Variants in RGS6 observed in about 807,000 individuals in gnomAD.
The protein encoded by RGS6 is regulator of G protein signaling 6, also known as regulator of G-protein signaling 6.
A neutral mutation model predicts 78.5 loss-of-function variants in RGS6; 30 were observed. That is an observed-to-expected ratio of 0.38 (90% CI 0.29 to 0.52). The LOEUF (loss-of-function observed/expected upper bound fraction) is 0.52. Ranked by LOEUF, RGS6 falls within the 20% of genes least tolerant of loss-of-function variation. The pLI is 0.85. For synonymous variants in RGS6, 206 were observed against 206.0 expected (o/e 1.00, Z 0.00); for missense variants, 495 against 609.7 (o/e 0.81, Z 1.98).
intron 2 of RGS6, among the ~76,000 whole-genome samples, chr14:72,135,294 G>A (rs1025595064): frequency 1.3e-5 from 2 of 152,114 alleles, no homozygotes; most frequent in African/African-American, 4.8e-5. Flanking sequence ...TTGGTGTCTT[G>A]AGGAACTCCC....
the RGS6 span, among the ~76,000 whole-genome samples, chr14:71,884,557 A>G: frequency 1.3e-5 from 2 of 152,138 alleles, no homozygotes; most frequent in East Asian, 1.9e-4. Flanking sequence ...GGAGAATAGC[A>G]TGAGTAAGAG....
At chr14:72,153,829 A>T (rs2153643170) in intron 2 of RGS6, among the ~76,000 whole-genome samples, 1 of 152,300 alleles carries the variant, frequency 6.6e-6, no homozygotes, top group South Asian at 2.1e-4. Context: ...AGAACTCCTG[A>T]TAAGGGTCTA....
chr14:72,402,944 G>A lies in RGS6; in HGVS notation c.184+50750G>A, dbSNP rs369569289. ...CCCCAGTAGCTGGGATTACAGGTGT[G>A]TGCCACCACACCCAGCTAATCTTTT... On this transcript the variant is annotated intron_variant, in intron 3 of 17. Transcript: ENST00000553525. Among the ~76,000 whole-genome samples, 4 of 151,780 alleles carry A rather than the reference G, an allele frequency of 2.6e-5. No homozygotes were observed. In the East Asian group the frequency reaches 5.8e-4, roughly 22 times the overall value.
the RGS6 span, among the ~76,000 whole-genome samples, chr14:71,897,425 G>A: frequency 6.6e-6 from 1 of 152,170 alleles, no homozygotes; most frequent in South Asian, 2.1e-4. Flanking sequence ...GCTGTGGAGG[G>A]CTAGGAACAT....
chr14:72,377,654 C>A (rs917046242), intron 3 of RGS6, among the ~76,000 whole-genome samples: 1 of 152,024 alleles, frequency 6.6e-6, no homozygotes, highest in Admixed American at 6.6e-5. Flanking sequence ...TATTAGGACA[C>A]AAAACAAATC....
intron 3 of RGS6, among the ~76,000 whole-genome samples, chr14:72,426,522 A>G (rs1475543413): frequency 6.6e-6 from 1 of 152,198 alleles, no homozygotes. Context: ...TATTATTCCC[A>G]TTTTGTAGAT....
intron 2 of RGS6, among the ~76,000 whole-genome samples, chr14:72,334,977 T>C (rs1187080375): frequency 6.6e-6 from 1 of 152,124 alleles, no homozygotes; most frequent in Non-Finnish European, 1.5e-5. Flanking sequence ...TATAATTCCC[T>C]TGTGTCGTGA....
intron 9 of RGS6, 104 bp downstream of exon 9, chr14:72,473,057 A>G: frequency 1.4e-6 from 1 of 738,510 alleles, no homozygotes. Flanking sequence ...CTCATTCTTA[A>G]GAAAATCGCT....
intron 2 of RGS6, among the ~76,000 whole-genome samples, chr14:71,981,662 T>A (rs532284724): frequency 1.8e-4 from 28 of 151,946 alleles, no homozygotes; most frequent in African/African-American, 6.3e-4. Flanking sequence ...TCCAGCTGCG[T>A]GCTGGGAGAA....
intron 3 of RGS6, among the ~76,000 whole-genome samples, chr14:72,356,395 C>T (rs1596206436): frequency 6.6e-6 from 1 of 152,120 alleles, no homozygotes; most frequent in African/African-American, 2.4e-5. Context: ...TTCCTGAGGC[C>T]TCCGCAGCCA....
At chr14:72,595,986 G>T in the RGS6 span, among the ~76,000 whole-genome samples, 1 of 152,178 alleles carries the variant, frequency 6.6e-6, no homozygotes, top group Non-Finnish European at 1.5e-5. Context: ...AGGAACCAGG[G>T]TTGTATAGCC....
intron 3 of RGS6, among the ~76,000 whole-genome samples, chr14:72,419,901 G>C (rs1173896439): frequency 6.6e-6 from 1 of 152,198 alleles, no homozygotes; most frequent in Non-Finnish European, 1.5e-5. Flanking sequence ...GGACATTCTA[G>C]GTGGAGAGAA....
chr14:72,614,254 A>G, the RGS6 span, among the ~76,000 whole-genome samples: 1 of 152,192 alleles, frequency 6.6e-6, no homozygotes, highest in African/African-American at 2.4e-5. Context: ...GTTAGACTCT[A>G]TGGCAAGCTG....
At chr14:72,039,996 C>T (rs72737823) in intron 2 of RGS6, among the ~76,000 whole-genome samples, 17,666 of 151,830 alleles carry the variant, frequency 0.12, 1,045 homozygotes, top group East Asian at 0.17. Flanking sequence ...TTACATCCCC[C>T]GTCCTACTTT....
intron 2 of RGS6, among the ~76,000 whole-genome samples, chr14:72,128,708 C>T (rs538271802): frequency 2.6e-5 from 4 of 152,198 alleles, no homozygotes; most frequent in Middle Eastern, 3.4e-3. Context: ...AGGTTATTGA[C>T]GGACGGTAGG....
chr14:72,136,361 A>G (rs1026094728), intron 2 of RGS6, among the ~76,000 whole-genome samples: 34 of 152,138 alleles, frequency 2.2e-4, no homozygotes, highest in African/African-American at 8.0e-4. Flanking sequence ...AAAAACTTGT[A>G]TTAGTCTGCT....
intron 2 of RGS6, among the ~76,000 whole-genome samples, chr14:72,253,778 C>T (rs1567587221): frequency 3.9e-5 from 6 of 152,284 alleles, no homozygotes; most frequent in South Asian, 4.2e-4. Context: ...AGCTGAGCAT[C>T]GGCCAACCTA....
At chr14:72,475,645 C>T (rs1320387755) in intron 10 of RGS6, among the ~76,000 whole-genome samples, 1 of 152,054 alleles carries the variant, frequency 6.6e-6, no homozygotes, top group Non-Finnish European at 1.5e-5. Flanking sequence ...AGGAGAATCG[C>T]TTGAACCCAG....
intron 2 of RGS6, among the ~76,000 whole-genome samples, chr14:71,984,298 TAAAAAAAAAA>T (rs59180817): frequency 8.3e-6 from 1 of 120,006 alleles, no homozygotes; most frequent in Non-Finnish European, 1.7e-5. Context: ...TGAATTATGT[TAAAAAAAAAA>T]AAAAAAAAAA....
Sources: gnomAD v4.1 joint callset for allele counts (sites outside exome capture counted in the v4.1 genomes callset) on GRCh38, gnomAD v4.1.1 for gene constraint, MANE v1.5 for transcripts, NCBI Gene and HGNC (gene_info 2026-07-23, HGNC 2026-07-21) for gene names.